The following PCDHA11 variants were observed in gnomAD, a reference collection of about 807,000 sequenced individuals.
The protein encoded by PCDHA11 is protocadherin alpha-11.
In PCDHA11, 61 loss-of-function variants were observed where a neutral mutation model predicts 70.3. That is an observed-to-expected ratio of 0.87 (90% CI 0.71 to 1.07). PCDHA11 has a LOEUF of 1.07. Ranked by LOEUF, PCDHA11 falls within the 50% of genes least tolerant of loss-of-function variation. PCDHA11 has a pLI of 0.00. For synonymous variants in PCDHA11, 633 were observed against 555.1 expected, an observed-to-expected ratio of 1.14 and a Z score of -1.97; for missense variants, 1,324 against 1,237.5, an observed-to-expected ratio of 1.07 and a Z score of -1.05.
intron 1 of PCDHA11, among the ~76,000 whole-genome samples, chr5:140,933,263 A>G (rs1374246908): frequency 6.6e-6 from 1 of 151,986 alleles, no homozygotes; most frequent in Non-Finnish European, 1.5e-5. Context: ...AAAGGTTATT[A>G]TATATTCATT....
At position 141,009,762 on chromosome 5, in the gene PCDHA11, C is replaced by G. The variant is rs2154001658; in HGVS notation, c.2675C>G (p.Ser892Cys). Reference sequence around the variant, plus strand: ...CCCGACAAATTCATTATCCCAGGATCTCCTGCAATCATCTCCATCCGGCAG... The same window carrying G: ...CCCGACAAATTCATTATCCCAGGATGTCCTGCAATCATCTCCATCCGGCAG... Reference protein sequence around the residue: ...ELPDKFIIPGSPAIISIRQEP... With the variant: ...ELPDKFIIPGCPAIISIRQEP... The change falls in exon 4 of 4, where the codon TCT becomes TGT. Residue 892 changes from serine (S) to cysteine (C), a missense_variant. Coordinates refer to ENST00000398640, the MANE Select transcript of PCDHA11 (RefSeq NM_018902.5). 5 of 1,614,180 alleles carry G rather than the reference C, an allele frequency of 3.1e-6. No homozygotes were observed. In the East Asian group the frequency reaches 1.1e-4, roughly 36 times the overall value.
intron 1 of PCDHA11, chr5:140,881,499 C>A: frequency 3.8e-6 from 1 of 261,884 alleles, no homozygotes; most frequent in Non-Finnish European, 5.9e-6. Context: ...TGCACATACA[C>A]ACACTCACAT....
intron 1 of PCDHA11, among the ~76,000 whole-genome samples, chr5:140,956,151 C>A (rs1193859248): frequency 6.6e-6 from 1 of 152,156 alleles, no homozygotes; most frequent in African/African-American, 2.4e-5. Flanking sequence ...CTTTCTCTTT[C>A]CTAATTGCCA....
chr5:140,998,908 G>A (rs1203319313), intron 3 of PCDHA11, among the ~76,000 whole-genome samples: 2 of 152,162 alleles, frequency 1.3e-5, no homozygotes, highest in East Asian at 1.9e-4. Context: ...CCTCCGGGAG[G>A]TAGCTATTAT....
At chr5:140,978,862 T>C (rs750080921) in intron 1 of PCDHA11, 87 bp from the exon 2 acceptor site, 138 of 1,599,976 alleles carry the variant, frequency 8.6e-5, no homozygotes, top group Non-Finnish European at 1.1e-4. Flanking sequence ...CTGGAAATAT[T>C]TAAGGGAGTA....
intron 1 of PCDHA11, among the ~76,000 whole-genome samples, chr5:140,878,662 C>G (rs1479409326): frequency 6.6e-6 from 1 of 152,194 alleles, no homozygotes; most frequent in African/African-American, 2.4e-5. Context: ...CCAGAGGCTT[C>G]TCTTTAACCA....
intron 1 of PCDHA11, among the ~76,000 whole-genome samples, chr5:140,965,384 A>C (rs1275113616): frequency 6.6e-6 from 1 of 152,222 alleles, no homozygotes; most frequent in Non-Finnish European, 1.5e-5. Flanking sequence ...GGGACACAGA[A>C]GAACAGAAGT....
At chr5:140,926,409 C>G (rs1426750263) in intron 1 of PCDHA11, 3 of 152,670 alleles carry the variant, frequency 2.0e-5, no homozygotes, top group Admixed American at 6.5e-5. Context: ...CAGCAATCTG[C>G]GGGCAGAGGA....
intron 1 of PCDHA11, among the ~76,000 whole-genome samples, chr5:140,892,628 T>C (rs1554185308): frequency 6.6e-6 from 1 of 152,166 alleles, no homozygotes; most frequent in African/African-American, 2.4e-5. Flanking sequence ...TGGTACATAA[T>C]AATTGTACAT....
At chr5:141,008,704 T>C (rs1485324733) in intron 3 of PCDHA11, among the ~76,000 whole-genome samples, 1 of 152,236 alleles carries the variant, frequency 6.6e-6, no homozygotes, top group East Asian at 1.9e-4. Context: ...AGTTGGTTTC[T>C]AGTTGCTTGA....
At chr5:140,927,400 C>A in intron 1 of PCDHA11, 1 of 1,614,126 alleles carries the variant, frequency 6.2e-7, no homozygotes, top group Non-Finnish European at 8.5e-7. Context: ...TCAGCACTTT[C>A]GCCTGGACAT....
chr5:141,009,701 C>G lies in PCDHA11; in HGVS notation c.2614C>G (p.Pro872Ala). The G allele has an allele frequency of 6.2e-7, 1 of 1,614,036 alleles. No homozygotes were observed. Among genetic ancestry groups the G allele is most frequent in the South Asian group, 1.1e-5 (1 of 91,056 alleles). The change falls in exon 4 of 4, where the codon CCA (proline) becomes GCA (alanine). Residue 872 changes from proline to alanine, a missense_variant. Coordinates refer to ENST00000398640, the MANE Select transcript of PCDHA11 (RefSeq NM_018902.5). ...NSNSWTFKYG[P>A]GNPKQSGPGE... ...CAACAGCTGGACCTTTAAATACGGA[C>G]CAGGCAACCCCAAACAATCCGGTCC...
intron 1 of PCDHA11, chr5:140,968,517 C>T: frequency 6.2e-7 from 1 of 1,614,206 alleles, no homozygotes; most frequent in Non-Finnish European, 8.5e-7. Flanking sequence ...TACCCTACCT[C>T]AACCAACTCG....
intron 1 of PCDHA11, chr5:140,927,104 C>T (rs1554204027): frequency 6.2e-7 from 1 of 1,613,722 alleles, no homozygotes; most frequent in Admixed American, 1.7e-5. Flanking sequence ...GTGGATCTAC[C>T]CAGCGGCAAT....
chr5:140,875,210 AAAAGAACCTC>A (rs2055354064), intron 1 of PCDHA11: 1 of 696,510 alleles, frequency 1.4e-6, no homozygotes, highest in Non-Finnish European at 2.1e-6. Context: ...GGCTAAACCG[AAAAGAACCTC>A]AGGATCTTTC....
At chr5:141,001,908 G>T (rs2098043431) in intron 3 of PCDHA11, among the ~76,000 whole-genome samples, 1 of 152,198 alleles carries the variant, frequency 6.6e-6, no homozygotes, top group Non-Finnish European at 1.5e-5. Flanking sequence ...GTTTGAAAAA[G>T]ACTGCAGTGG....
chr5:140,882,731 G>C, intron 1 of PCDHA11: 1 of 1,614,232 alleles, frequency 6.2e-7, no homozygotes, highest in Non-Finnish European at 8.5e-7. Flanking sequence ...ATTTCCACTA[G>C]ATGGCGCATC....
chr5:140,938,734 AT>A (rs1207782725), intron 1 of PCDHA11, among the ~76,000 whole-genome samples: 1 of 152,136 alleles, frequency 6.6e-6, no homozygotes, highest in Admixed American at 6.5e-5. Flanking sequence ...ACAGAAAAAA[AT>A]AATTATTTTT....
Position 140,870,715 on chromosome 5 carries a change from G to C in PCDHA11, c.1612G>C (p.Asp538His). The C allele has an allele frequency of 6.2e-7, 1 of 1,613,128 alleles. No homozygotes were observed. The highest frequency in any genetic ancestry group is 8.5e-7 in the Non-Finnish European group (1 of 1,179,868). The change falls in exon 1 of 4, where the codon GAT becomes CAT. Residue 538 changes from aspartate (D) to histidine (H), a missense_variant. Transcript: ENST00000398640. ...ELLQFQVSAR[D>H]AGVPPLSSNV... ...GCTACAGTTCCAGGTGAGCGCGCGCGATGCGGGCGTGCCGCCTCTGAGCAG... is the reference window on the plus strand; with the variant it reads ...GCTACAGTTCCAGGTGAGCGCGCGCCATGCGGGCGTGCCGCCTCTGAGCAG...
Sources: allele counts gnomAD v4.1 joint callset (sites outside exome capture counted in the v4.1 genomes callset), GRCh38; gene constraint gnomAD v4.1.1; transcripts MANE v1.5; gene names NCBI Gene and HGNC (gene_info 2026-07-23, HGNC 2026-07-21).